Variants in LETM2 observed in about 807,000 individuals in gnomAD.
The protein encoded by LETM2 is leucine zipper and EF-hand containing transmembrane protein 2, also known as LETM1 domain-containing protein LETM2, mitochondrial.
In LETM2, 58 loss-of-function variants were observed where a neutral mutation model predicts 59.6. That is an observed-to-expected ratio of 0.97 (90% CI 0.79 to 1.21). The LOEUF (loss-of-function observed/expected upper bound fraction) is 1.21, where lower values mean the gene tolerates loss of function less well. Among genes scored for constraint, LETM2 ranks in the 50% most tolerant of loss-of-function variants. The probability of loss-of-function intolerance (pLI) is 0.00; values close to 1 mark genes in which losing one functional copy is unlikely to be tolerated. For missense variants in LETM2, 572 were observed against 575.7 expected, an observed-to-expected ratio of 0.99 and a Z score of 0.07; for synonymous variants, 199 against 214.1, an observed-to-expected ratio of 0.93 and a Z score of 0.62.
rs752260399 is a variant in LETM2 at position 38,392,589 on chromosome 8, C to G, written c.95C>G (p.Ser32Ter). 1.2e-6 allele frequency: 2 copies of G among 1,613,226 alleles called. No individual in the cohort carries two copies. Among genetic ancestry groups the G allele is most frequent in the South Asian group, 1.1e-5 (1 of 91,072 alleles). Residue 32 changes from serine (S) to a stop codon, truncating the protein, a stop_gained, in exon 3 of 11, where the codon TCA becomes TGA. Coordinates refer to ENST00000379957, the MANE Select transcript of LETM2 (RefSeq NM_001286819.2). LOFTEE classifies it high-confidence loss of function. ...VHPTCSSYSP[S>*]CAFLHLPDSH... ...CCTACCTGCTCTTCTTATTCCCCAT[C>G]ATGTGCATTTCTTCACTTGCCAGAT... is the stretch of plus-strand genomic sequence containing the variant.
intron 7 of LETM2, 163 bp from the exon 8 acceptor site, chr8:38,404,230 G>A (rs565923682): frequency 1.7e-6 from 1 of 591,702 alleles, no homozygotes; most frequent in South Asian, 2.0e-5. Flanking sequence ...GCAGAAGCCA[G>A]GGCTGGGCTC....
intron 4 of LETM2, 32 bp from the exon 5 acceptor site, chr8:38,400,240 G>T: frequency 6.4e-7 from 1 of 1,570,454 alleles, no homozygotes; most frequent in South Asian, 1.2e-5. Flanking sequence ...AATCACGAAG[G>T]ATTGAGTAAC....
Position 38,400,934 on chromosome 8 carries a change from T to G in LETM2, c.865T>G (p.Leu289Val). ...TGAGGACCAGCTGGCCCTGGAACAC[T>G]TAGATCGCCCTCAGCTGGTTGCCCT... The part of the protein sequence containing the change: ...LFEDQLALEH[L>V]DRPQLVALCK... The change falls in exon 6 of 11, where the codon TTA becomes GTA. Residue 289 changes from leucine (L) to valine (V), a missense_variant. Coordinates refer to ENST00000379957, the MANE Select transcript of LETM2 (RefSeq NM_001286819.2). 1.2e-6 allele frequency: 2 copies of G among 1,614,170 alleles called. No homozygotes were observed. The highest frequency in any genetic ancestry group is 1.7e-6 in the Non-Finnish European group (2 of 1,180,016).
In LETM2 at chr8:38,402,649, G is replaced by C. The variant is rs369961625; in HGVS notation, c.1104+5G>C. The C allele has an allele frequency of 6.2e-7, 1 of 1,613,874 alleles. No individual in the cohort carries two copies. The highest frequency in any genetic ancestry group is 8.5e-7 in the Non-Finnish European group (1 of 1,179,946). On this transcript the variant is annotated splice_donor_5th_base_variant and intron_variant, in intron 7 of 10. Coordinates refer to ENST00000379957, the MANE Select transcript of LETM2 (RefSeq NM_001286819.2). ...CTGCGACAACAGCTCACGGAGGCAA[G>C]TAGCAGCGCCCCTCTGGGGTCCTCT...
intron 3 of LETM2, 159 bp from the exon 4 acceptor site, chr8:38,393,939 G>C: frequency 2.0e-6 from 1 of 501,944 alleles, no homozygotes; most frequent in Non-Finnish European, 3.3e-6. Flanking sequence ...AGGATTGCGT[G>C]AGCCCAGGAG....
At chr8:38,389,202 ATTATTTATTTAT>A (rs372262355) in intron 2 of LETM2, among the ~76,000 whole-genome samples, 2 of 151,224 alleles carry the variant, frequency 1.3e-5, no homozygotes, top group Non-Finnish European at 3.0e-5. Flanking sequence ...GTCTGTTACC[ATTATTTATTTAT>A]TTATTTATTT....
intron 4 of LETM2, among the ~76,000 whole-genome samples, chr8:38,394,973 T>G (rs61164234): frequency 0.12 from 18,129 of 152,164 alleles, 1,231 homozygotes; most frequent in Middle Eastern, 0.13. Flanking sequence ...GAATGTCATA[T>G]AGTTGGGATC....
Position 38,388,036 on chromosome 8 carries a change from C to A in LETM2, c.47+6C>A. ...CTGGCTATTGCTCGAACAAGGTAAG[C>A]ATTGGAGTTACCCCCCAATATGAAC... is the stretch of plus-strand genomic sequence containing the variant. On this transcript the variant is annotated splice_donor_region_variant and intron_variant, in intron 2 of 10. Coordinates refer to ENST00000379957, the MANE Select transcript of LETM2 (RefSeq NM_001286819.2). 2 of 1,511,056 alleles carry A rather than the reference C, an allele frequency of 1.3e-6. No individual in the cohort carries two copies. The highest frequency in any genetic ancestry group is 1.4e-5 in the African/African-American group (1 of 72,258). 93.6% of individuals were successfully genotyped at this position (1,511,056 alleles called of 1,614,324 possible).
chr8:38,391,241 CTCTTTGCCAGTAACTT>C (rs1331143724), intron 2 of LETM2, among the ~76,000 whole-genome samples: 14 of 142,236 alleles, frequency 9.8e-5, no homozygotes, highest in South Asian at 2.2e-4. Context: ...AAAAAGACAT[CTCTTTGCCAGTAACTT>C]TCTTTGCCAG....
intron 4 of LETM2, among the ~76,000 whole-genome samples, chr8:38,395,534 G>A (rs1170205432): frequency 1.4e-5 from 2 of 146,740 alleles, no homozygotes; most frequent in East Asian, 3.9e-4. Context: ...TTTTTTTTTT[G>A]AGAAGGAGTC....
intron 2 of LETM2, among the ~76,000 whole-genome samples, chr8:38,389,479 A>G (rs1377145661): frequency 6.6e-6 from 1 of 152,006 alleles, no homozygotes; most frequent in Non-Finnish European, 1.5e-5. Flanking sequence ...CAGCCTCCCA[A>G]ACTGCTGGGA....
Position 38,394,089 on chromosome 8 carries a change from A to T in LETM2, c.502-9A>T. On this transcript the variant is annotated splice_polypyrimidine_tract_variant and intron_variant, in intron 3 of 10. Coordinates refer to ENST00000379957, the MANE Select transcript of LETM2 (RefSeq NM_001286819.2). ...ATAATGAATATTGCATATGCATTTA[A>T]TTCTATAGCTGTTGAGAACTTGTGT... 1 of 1,446,006 alleles carries T rather than the reference A, an allele frequency of 6.9e-7. No individual in the cohort carries two copies. The highest frequency in any genetic ancestry group is 9.0e-7 in the Non-Finnish European group (1 of 1,105,890). The allele number at this position is 1,446,006 out of a possible 1,614,324, so 89.6% of individuals were successfully genotyped here. A position where few individuals can be genotyped will look rare whatever the true frequency, so the allele number is the denominator to read the frequency against.
Position 38,404,459 on chromosome 8 carries a change from C to T in LETM2, c.1171C>T (p.Leu391=), listed in dbSNP as rs1191446858. Residue 391 remains leucine (L), a synonymous_variant, in exon 8 of 11, where the codon CTG becomes TTG. Transcript: ENST00000379957. ...TTTGCTCCTGTCCCGCACCTTCTAC[C>T]TGATAGATGTGAAGCCCAAGCCGAT... ...SLLLLSRTFY[L]IDVKPKPIEI... The T allele has an allele frequency of 6.8e-6, 11 of 1,614,094 alleles. No individual in the cohort carries two copies. The South Asian group carries it at 7.7e-5, about 11-fold the overall frequency.
rs1018464274 is a variant in LETM2 at position 38,388,021 on chromosome 8, C to A, written c.38C>A (p.Ala13Asp). The A allele has an allele frequency of 3.3e-6, 5 of 1,529,108 alleles. No homozygotes were observed. In the African/African-American group the frequency reaches 5.5e-5, roughly 17 times the overall value. The allele number at this position is 1,529,108 out of a possible 1,614,324, so 94.7% of individuals were successfully genotyped here. Reference protein sequence around the residue: ...FYSYNSVLAIARTRFPSHFVH... With the variant: ...FYSYNSVLAIDRTRFPSHFVH... ...AGTTATAATTCAGTTCTGGCTATTG[C>A]TCGAACAAGGTAAGCATTGGAGTTA... Residue 13 changes from alanine to aspartate, a missense_variant, in exon 2 of 11, where the codon GCT becomes GAT. Transcript: ENST00000379957.
intron 8 of LETM2, 164 bp from the exon 9 acceptor site, chr8:38,406,781 CA>C (rs1310660619): frequency 1.3e-5 from 7 of 521,514 alleles, no homozygotes; most frequent in East Asian, 1.1e-4. Context: ...GTTGCTACAT[CA>C]GGGGCATATT....
At chr8:38,388,073 TC>T in intron 2 of LETM2, 43 bp downstream of exon 2, 1 of 1,290,292 alleles carries the variant, frequency 7.8e-7, no homozygotes, top group Admixed American at 2.7e-5. Context: ...TAATTCTTCT[TC>T]TTCTTCTTTT....
chr8:38,387,809 G>GGAAAT (rs1350605878), intron 1 of LETM2, 141 bp from the exon 2 acceptor site: 1 of 549,884 alleles, frequency 1.8e-6, no homozygotes, highest in Admixed American at 3.5e-5. Context: ...TCTGATTGTT[G>GGAAAT]GAAATGAGCT....
upstream of LETM2, chr8:38,382,874 C>T (rs72630624): frequency 0.21 from 32,588 of 152,198 alleles, 3,709 homozygotes; most frequent in East Asian, 0.31. The surrounding 1 kb of genome is among the most constrained non-coding windows in gnomAD (Gnocchi z 4.2). Flanking sequence ...CCCGGCTGAG[C>T]TGTCGGATGG....
intron 2 of LETM2, among the ~76,000 whole-genome samples, chr8:38,388,447 T>G (rs987418500): frequency 6.7e-6 from 1 of 150,214 alleles, no homozygotes; most frequent in Non-Finnish European, 1.5e-5. Flanking sequence ...GGAGGCTGGG[T>G]GCAGTGGCTC....
Sources: gnomAD v4.1 joint callset for allele counts (sites outside exome capture counted in the v4.1 genomes callset) on GRCh38, gnomAD v4.1.1 for gene constraint, Gnocchi (gnomAD v3.1) non-coding constraint, MANE v1.5 for transcripts, NCBI Gene and HGNC (gene_info 2026-07-23, HGNC 2026-07-21) for gene names.